GCNT1: variants seen among roughly 807,000 people sequenced by gnomAD.
GCNT1 encodes the protein glucosaminyl (N-acetyl) transferase 1.
In GCNT1, 16 loss-of-function variants were observed where a neutral mutation model predicts 26.2. The ratio of observed to expected loss-of-function variants is 0.61; its 90% CI spans 0.41 to 0.93. GCNT1 has a LOEUF of 0.93. Ranked by LOEUF, GCNT1 falls within the 40% of genes least tolerant of loss-of-function variation. The probability of loss-of-function intolerance (pLI) is 0.00; values close to 1 mark genes in which losing one functional copy is unlikely to be tolerated. For missense variants in GCNT1, 477 were observed against 526.7 expected (o/e 0.91, Z 0.92); for synonymous variants, 183 against 190.8 (o/e 0.96, Z 0.34).
chr9:76,448,489 T>C (rs1393454720), intron 1 of GCNT1, among the ~76,000 whole-genome samples: 1 of 152,128 alleles, frequency 6.6e-6, no homozygotes, highest in African/African-American at 2.4e-5. Context: ...TATTGAGGCA[T>C]GGTTTAATAA....
chr9:76,467,916 T>G (rs949372637), intron 2 of GCNT1, among the ~76,000 whole-genome samples: 65 of 138,980 alleles, frequency 4.7e-4, no homozygotes, highest in African/African-American at 1.8e-3. Flanking sequence ...TTTTTTTTTT[T>G]TTTTTTTTTT....
rs756437872 is a variant in GCNT1, at chr9:76,502,842, T to G, written c.461T>G (p.Val154Gly). 8.1e-6 allele frequency: 13 copies of G among 1,614,148 alleles called. No individual in the cohort carries two copies. The East Asian group carries it at 2.9e-4, about 36-fold the overall frequency. Residue 154 changes from valine to glycine, a missense_variant, in exon 4 of 4, where the codon GTG becomes GGG. By Grantham distance (109) the Val-to-Gly change is moderately radical. Transcript: ENST00000376730. The part of the protein sequence containing the change: ...YMPQNFYCIH[V>G]DTKSEDSYLA... Reference sequence around the variant, plus strand: ...CCTCAGAATTTCTATTGCATTCATGTGGACACAAAATCCGAGGATTCCTAT... The same window carrying G: ...CCTCAGAATTTCTATTGCATTCATGGGGACACAAAATCCGAGGATTCCTAT...
chr9:76,491,641 A>T (rs1824739893), intron 2 of GCNT1, among the ~76,000 whole-genome samples: 1 of 152,212 alleles, frequency 6.6e-6, no homozygotes, highest in Non-Finnish European at 1.5e-5. Flanking sequence ...TGCCCTTCAT[A>T]TCCCATTCTC....
chr9:76,502,799 C>T lies in GCNT1; in HGVS notation c.418C>T (p.Leu140=). Residue 140 remains leucine (L), a synonymous_variant, in exon 4 of 4, where the codon CTG becomes TTG. Transcript: ENST00000376730. ...HHKIEMLDRL[L]RAIYMPQNFY... Reference sequence around the variant, plus strand: ...CAAGATTGAAATGCTTGACAGGCTGCTGAGGGCCATCTATATGCCTCAGAA... The same window carrying T: ...CAAGATTGAAATGCTTGACAGGCTGTTGAGGGCCATCTATATGCCTCAGAA... 2 of 1,614,114 alleles carry T rather than the reference C, an allele frequency of 1.2e-6. No homozygotes were observed. The highest frequency in any genetic ancestry group is 8.5e-7 in the Non-Finnish European group (1 of 1,180,000).
At chr9:76,407,118 A>C in the GCNT1 span, among the ~76,000 whole-genome samples, 1 of 151,758 alleles carries the variant, frequency 6.6e-6, no homozygotes, top group Non-Finnish European at 1.5e-5. Context: ...GGAATTTTAT[A>C]GTTTTGCATT....
chr9:76,478,155 G>A (rs897284242), intron 2 of GCNT1, among the ~76,000 whole-genome samples: 5 of 152,218 alleles, frequency 3.3e-5, no homozygotes, highest in African/African-American at 1.2e-4. Flanking sequence ...CCATCCCAGC[G>A]AGTAGCGGCA....
In GCNT1 at chr9:76,506,606, A is replaced by C. The variant is rs1825245523; in HGVS notation, c.*2938A>C. 1 of 167,074 alleles carries C rather than the reference A, an allele frequency of 6.0e-6. No homozygotes were observed. Among genetic ancestry groups the C allele is most frequent in the African/African-American group, 2.4e-5 (1 of 41,468 alleles). The allele number at this position is 167,074 out of a possible 1,614,324, so 10.3% of individuals were successfully genotyped here. A position where few individuals can be genotyped will look rare whatever the true frequency, so the allele number is the denominator to read the frequency against. ...TGTGATGGAAGGATTCTAGTTAATG[A>C]GTATTGCATCAAGATTTACATCTTT... On this transcript the variant is annotated 3_prime_UTR_variant, in exon 4 of 4. Transcript: ENST00000376730.
intron 2 of GCNT1, among the ~76,000 whole-genome samples, chr9:76,483,566 C>T (rs1470063356): frequency 3.9e-5 from 6 of 152,078 alleles, no homozygotes; most frequent in Non-Finnish European, 5.9e-5. Context: ...AGGCGTGCAC[C>T]ACCACACCCA....
intron 1 of GCNT1, among the ~76,000 whole-genome samples, chr9:76,452,119 C>G (rs1197953296): frequency 1.3e-5 from 2 of 151,988 alleles, no homozygotes; most frequent in East Asian, 1.9e-4. Flanking sequence ...CAGGCCCCTG[C>G]CACCACATCC....
chr9:76,464,512 T>G (rs575973660), intron 2 of GCNT1, among the ~76,000 whole-genome samples: 3 of 152,334 alleles, frequency 2.0e-5, no homozygotes, highest in Admixed American at 2.0e-4. Context: ...CCACCATCCC[T>G]GGCCACTAAA....
chr9:76,442,497 A>G (rs1015467722), intron 1 of GCNT1, among the ~76,000 whole-genome samples: 7 of 152,182 alleles, frequency 4.6e-5, no homozygotes, highest in African/African-American at 1.7e-4. Flanking sequence ...CCTGGCCAAC[A>G]TGGCAAAACC....
chr9:76,412,315 A>G, the GCNT1 span, among the ~76,000 whole-genome samples: 1 of 152,192 alleles, frequency 6.6e-6, no homozygotes, highest in African/African-American at 2.4e-5. Context: ...CCAATTAAAA[A>G]TTTTTTAAGT....
chr9:76,464,067 TA>T (rs1202277978), intron 2 of GCNT1, among the ~76,000 whole-genome samples: 2 of 140,220 alleles, frequency 1.4e-5, no homozygotes, highest in East Asian at 2.1e-4. Context: ...AAAATAATAA[TA>T]AAAAAAAGGC....
At chr9:76,448,441 G>A (rs973712238) in intron 1 of GCNT1, among the ~76,000 whole-genome samples, 2 of 152,008 alleles carry the variant, frequency 1.3e-5, no homozygotes, top group African/African-American at 2.4e-5. Flanking sequence ...TGCAGAGTAC[G>A]ACCCCACCTC....
chr9:76,401,164 T>A, the GCNT1 span, among the ~76,000 whole-genome samples: 1 of 152,246 alleles, frequency 6.6e-6, no homozygotes, highest in South Asian at 2.1e-4. Context: ...TGAGTGTAAG[T>A]GTCTTCAGAA....
At chr9:76,455,802 A>C (rs758480185), upstream of GCNT1, among the ~76,000 whole-genome samples, 33 of 152,122 alleles carry the variant, frequency 2.2e-4, no homozygotes, top group Non-Finnish European at 3.8e-4. Flanking sequence ...GGGTTTCGCC[A>C]TGTTGGCTAG....
In GCNT1 at chr9:76,503,760, T is replaced by C. The variant is rs1399237069; in HGVS notation, c.*92T>C. The C allele has an allele frequency of 1.3e-5, 13 of 1,024,288 alleles. No individual in the cohort carries two copies. In the Admixed American group the frequency reaches 1.8e-4, roughly 14 times the overall value. 63.4% of individuals were successfully genotyped at this position (1,024,288 alleles called of 1,614,324 possible). A position where few individuals can be genotyped will look rare whatever the true frequency, so the allele number is the denominator to read the frequency against. On this transcript the variant is annotated 3_prime_UTR_variant, in exon 4 of 4. Coordinates refer to ENST00000376730, the MANE Select transcript of GCNT1 (RefSeq NM_001490.5). ...CCTTGTCAGCATCGGGAAGATGGTA[T>C]GAAGTCCTCTTTGGGGCAGGGACTC...
intron 2 of GCNT1, among the ~76,000 whole-genome samples, chr9:76,496,223 C>G (rs984168314): frequency 6.6e-6 from 1 of 152,108 alleles, no homozygotes; most frequent in African/African-American, 2.4e-5. Flanking sequence ...TGGGTCTTTG[C>G]CAAGTTTGAG....
At chr9:76,458,494 AAAC>A (rs142230644), upstream of GCNT1, among the ~76,000 whole-genome samples, 17,258 of 152,060 alleles carry the variant, frequency 0.11, 1,079 homozygotes, top group Middle Eastern at 0.23. Context: ...AATTTTTTTT[AAAC>A]AACATGGAAA....
Sources: gnomAD v4.1 joint callset for allele counts (sites outside exome capture counted in the v4.1 genomes callset) on GRCh38, gnomAD v4.1.1 for gene constraint, MANE v1.5 for transcripts, NCBI Gene and HGNC (gene_info 2026-07-23, HGNC 2026-07-21) for gene names.